SCN2A: variants seen among roughly 807,000 people sequenced by gnomAD.
SCN2A encodes sodium channel protein type 2 subunit alpha.
In SCN2A, 20 loss-of-function variants were observed where a neutral mutation model predicts 188.7. The observed-to-expected ratio is 0.11, with a 90% confidence interval of 0.07 to 0.15. The LOEUF is 0.15. Ranked by LOEUF, SCN2A falls within the 10% of genes least tolerant of loss-of-function variation. SCN2A has a pLI of 1.00. For missense variants in SCN2A, 1,278 were observed against 2,445.0 expected, an observed-to-expected ratio of 0.52 and a Z score of 10.07; for synonymous variants, 804 against 833.1, an observed-to-expected ratio of 0.97 and a Z score of 0.60.
chr2:165,364,503 AG>A (rs1700624848), intron 17 of SCN2A, among the ~76,000 whole-genome samples: 2 of 152,252 alleles, frequency 1.3e-5, no homozygotes, highest in African/African-American at 4.8e-5. Flanking sequence ...CAGAGTAACA[AG>A]TAGTTTCCAA....
chr2:165,288,609 T>C lies in SCN2A; in HGVS notation c.-51-7164T>C, dbSNP rs1574506117. 1.1e-4 allele frequency among the ~76,000 whole-genome samples: 16 copies of C among 152,014 alleles called. 1 individual carries two copies. In the South Asian group the frequency reaches 3.3e-3, roughly 31 times the overall value. ...GTTCTTCATATTCTACTATTCTCTG[T>C]TTCTACTCTACAGCAGAAAAACACG... On this transcript the variant is annotated intron_variant, in intron 1 of 26. Coordinates refer to ENST00000375437, the MANE Select transcript of SCN2A (RefSeq NM_001040142.2).
intron 14 of SCN2A, among the ~76,000 whole-genome samples, chr2:165,341,983 T>G (rs1162378232): frequency 6.6e-6 from 1 of 152,112 alleles, no homozygotes; most frequent in African/African-American, 2.4e-5. Context: ...TTTGGTAAGT[T>G]TTTGGAGGGC....
chr2:165,304,745 T>C (rs1327978566), intron 3 of SCN2A, among the ~76,000 whole-genome samples: 1 of 152,174 alleles, frequency 6.6e-6, no homozygotes, highest in Non-Finnish European at 1.5e-5. Context: ...TCATAACATT[T>C]GACAACCTAA....
chr2:165,313,585 A>G (rs750364183), intron 8 of SCN2A, 35 bp from the exon 9 acceptor site: 1 of 1,612,210 alleles, frequency 6.2e-7, no homozygotes, highest in Non-Finnish European at 8.5e-7. Flanking sequence ...ACTTGCCGTT[A>G]TTGACTTCCT....
At chr2:165,332,262 A>G (rs1698730655) in intron 14 of SCN2A, among the ~76,000 whole-genome samples, 1 of 152,042 alleles carries the variant, frequency 6.6e-6, no homozygotes, top group Admixed American at 6.6e-5. Context: ...AGCAGGTTAT[A>G]TAGAGATTGT....
At chr2:165,300,182 T>C (rs954754566) in intron 3 of SCN2A, among the ~76,000 whole-genome samples, 5 of 152,216 alleles carry the variant, frequency 3.3e-5, no homozygotes, top group Admixed American at 1.3e-4. Flanking sequence ...TAAATGTGTT[T>C]CCTGTCAGCT....
At chr2:165,240,259 T>C (rs916724245) in intron 1 of SCN2A, among the ~76,000 whole-genome samples, 3 of 152,216 alleles carry the variant, frequency 2.0e-5, no homozygotes, top group African/African-American at 7.2e-5. Flanking sequence ...GTGAGGAGTA[T>C]GCTGAACACA....
At position 165,370,051 on chromosome 2, in the gene SCN2A, G is replaced by C; in HGVS notation, c.3676-75G>C. ...TAGGCACCTGATAAGAGCTTGCATC[G>C]TTTCCTTTTTTAAGAAATCATCAAT... On this transcript the variant is annotated intron_variant, in intron 19 of 26. Transcript: ENST00000375437. 3 of 1,337,746 alleles carry C rather than the reference G, an allele frequency of 2.2e-6. No individual in the cohort carries two copies. The South Asian group carries it at 3.6e-5, about 16-fold the overall frequency. The allele number at this position is 1,337,746 out of a possible 1,614,324, so 82.9% of individuals were successfully genotyped here.
intron 26 of SCN2A, 81 bp downstream of exon 26, chr2:165,387,097 A>C: frequency 7.3e-7 from 1 of 1,371,594 alleles, no homozygotes; most frequent in South Asian, 1.2e-5. Flanking sequence ...GTTTTTCACT[A>C]ATCTTTCTCA....
chr2:165,308,598 A>G (rs1412932465), intron 4 of SCN2A, 68 bp from the exon 5 acceptor site: 3 of 1,559,580 alleles, frequency 1.9e-6, no homozygotes, highest in Non-Finnish European at 2.6e-6. Flanking sequence ...TGTTTATGTC[A>G]TCTTTAAGAT....
intron 14 of SCN2A, among the ~76,000 whole-genome samples, chr2:165,337,891 A>G (rs367569506): frequency 4.7e-4 from 71 of 152,314 alleles, no homozygotes; most frequent in African/African-American, 1.7e-3. Context: ...GGTAAATACG[A>G]AAGACTATCT....
intron 16 of SCN2A, among the ~76,000 whole-genome samples, chr2:165,350,751 G>A (rs1415157205): frequency 6.6e-6 from 1 of 151,176 alleles, no homozygotes; most frequent in South Asian, 2.1e-4. Flanking sequence ...TTACAGGCGT[G>A]AGCCACCGCG....
chr2:165,331,877 G>A (rs896886011), intron 14 of SCN2A, among the ~76,000 whole-genome samples: 5 of 151,990 alleles, frequency 3.3e-5, no homozygotes, highest in Admixed American at 2.6e-4. Context: ...CTTAGAATAG[G>A]TTCTTTAGGA....
rs923160312 is a variant in SCN2A at position 165,337,184 on chromosome 2, A to C, written c.2389-5112A>C. On this transcript the variant is annotated intron_variant, in intron 14 of 26. Coordinates refer to ENST00000375437, the MANE Select transcript of SCN2A (RefSeq NM_001040142.2). ...AAAAGTACACATTCTAATATGAAAAATTCACTGGATGTGTTTAAAACAAAA... is the reference window on the plus strand; with the variant it reads ...AAAAGTACACATTCTAATATGAAAACTTCACTGGATGTGTTTAAAACAAAA... Among the ~76,000 whole-genome samples, 7 of 152,228 alleles carry C rather than the reference A, an allele frequency of 4.6e-5. No homozygotes were observed. The East Asian group carries it at 1.3e-3, about 29-fold the overall frequency.
chr2:165,290,806 GT>G (rs1156798546), intron 1 of SCN2A: 1 of 983,934 alleles, frequency 1.0e-6, no homozygotes, highest in East Asian at 1.1e-4. Flanking sequence ...TGCCTGGCCA[GT>G]ATACATGGAA....
Position 165,354,572 on chromosome 2 carries a change from C to A in SCN2A, c.3300C>A (p.Ser1100Arg). The A allele has an allele frequency of 6.2e-7, 1 of 1,614,038 alleles. No individual in the cohort carries two copies. ...ACATGTCATTTATAAACAACCCTAG[C>A]CTCACTGTGACAGTACCAATTGCTG... ...SDYMSFINNP[S>R]LTVTVPIAVG... is the part of the protein sequence containing the mutation. Residue 1100 changes from serine (S) to arginine (R), a missense_variant, in exon 17 of 27, where the codon AGC becomes AGA. By Grantham distance (110) the Ser-to-Arg change is moderately radical. Around this residue, in one of 17 missense-constraint regions of SCN2A, gnomAD observed 228 missense variants for 297.3 expected, o/e 0.77. Coordinates refer to ENST00000375437, the MANE Select transcript of SCN2A (RefSeq NM_001040142.2).
At chr2:165,273,366 G>A (rs1026166798) in intron 1 of SCN2A, 2 of 152,140 alleles carry the variant, frequency 1.3e-5, no homozygotes, top group Non-Finnish European at 2.9e-5. Flanking sequence ...ATGAATATAA[G>A]AAGCCTGACT....
intron 7 of SCN2A, among the ~76,000 whole-genome samples, chr2:165,311,475 G>A (rs1697424773): frequency 6.6e-6 from 1 of 151,960 alleles, no homozygotes; most frequent in Non-Finnish European, 1.5e-5. Context: ...TCATTTGAAA[G>A]GCAGAAATCA....
At chr2:165,350,280 A>G (rs955653718) in intron 16 of SCN2A, among the ~76,000 whole-genome samples, 5 of 152,250 alleles carry the variant, frequency 3.3e-5, no homozygotes, top group Middle Eastern at 3.4e-3. Context: ...CAGGATGGAG[A>G]AACAATTAAA....
Sources: gnomAD v4.1 joint callset for allele counts (sites outside exome capture counted in the v4.1 genomes callset) on GRCh38, gnomAD v4.1.1 for gene constraint, gnomAD v4.1.1 regional missense constraint, MANE v1.5 for transcripts, NCBI Gene and HGNC (gene_info 2026-07-23, HGNC 2026-07-21) for gene names.